The following MRAP2 variants were observed in gnomAD, a reference collection of about 807,000 sequenced individuals.
MRAP2 encodes melanocortin-2 receptor accessory protein 2.
A neutral mutation model predicts 17.4 loss-of-function variants in MRAP2; 20 were observed. The ratio of observed to expected loss-of-function variants is 1.15; its 90% CI spans 0.81 to 1.67. MRAP2 has a LOEUF of 1.67. Ranked by LOEUF, MRAP2 falls within the 40% of genes most tolerant of loss-of-function variation. MRAP2 has a pLI of 0.00. For synonymous variants in MRAP2, 96 were observed against 88.4 expected, an observed-to-expected ratio of 1.09 and a Z score of -0.48; for missense variants, 238 against 240.0, an observed-to-expected ratio of 0.99 and a Z score of 0.05.
rs183162304 is a variant in MRAP2 at position 84,059,397 on chromosome 6, T to G, written c.128-3496T>G. ...ATTCATATCACAGAATTGGCCCTAC[T>G]GCCTTAGGAACAAAAAGTGGTGTGA... On this transcript the variant is annotated intron_variant, in intron 2 of 3. Transcript: ENST00000257776. Among the ~76,000 whole-genome samples, 414 of 152,364 alleles carry G rather than the reference T, an allele frequency of 2.7e-3. 2 individuals are homozygous for G. Among genetic ancestry groups the G allele is most frequent in the Non-Finnish European group, 4.5e-3 (305 of 68,026 alleles).
the MRAP2 span, among the ~76,000 whole-genome samples, chr6:84,142,763 C>T: frequency 2.6e-5 from 4 of 152,126 alleles, no homozygotes; most frequent in African/African-American, 7.2e-5. Context: ...GGAGTTCATC[C>T]CCAAATCAAA....
the MRAP2 span, among the ~76,000 whole-genome samples, chr6:84,103,753 G>T: frequency 6.6e-6 from 1 of 150,470 alleles, no homozygotes; most frequent in African/African-American, 2.4e-5. Context: ...CTGCATAAGG[G>T]TTTTGTTATT....
At chr6:84,058,803 A>C (rs999514690) in intron 2 of MRAP2, among the ~76,000 whole-genome samples, 1 of 152,208 alleles carries the variant, frequency 6.6e-6, no homozygotes, top group Non-Finnish European at 1.5e-5. Flanking sequence ...AGGGTTGCAA[A>C]GACAGTCTGT....
the MRAP2 span, among the ~76,000 whole-genome samples, chr6:84,130,218 T>C: frequency 1.6e-4 from 24 of 152,336 alleles, no homozygotes; most frequent in African/African-American, 5.1e-4. Context: ...GACTTGATCA[T>C]GGTGGATAAG....
the MRAP2 span, among the ~76,000 whole-genome samples, chr6:84,141,188 C>G: frequency 6.6e-6 from 1 of 151,878 alleles, no homozygotes; most frequent in African/African-American, 2.4e-5. Flanking sequence ...GTTGGGGACC[C>G]CTGGTCTAGA....
chr6:84,038,407 A>G (rs1429202129), intron 1 of MRAP2, among the ~76,000 whole-genome samples: 2 of 152,190 alleles, frequency 1.3e-5, no homozygotes, highest in African/African-American at 4.8e-5. Context: ...AATAGGGCAG[A>G]TTTGTGTTAT....
intron 3 of MRAP2, among the ~76,000 whole-genome samples, chr6:84,079,399 A>C (rs1423252586): frequency 6.6e-6 from 1 of 152,220 alleles, no homozygotes; most frequent in Non-Finnish European, 1.5e-5. Context: ...AGGGGGTAGA[A>C]ATTGAATGGA....
chr6:84,146,010 A>C, the MRAP2 span, among the ~76,000 whole-genome samples: 1 of 152,114 alleles, frequency 6.6e-6, no homozygotes, highest in African/African-American at 2.4e-5. Context: ...ATCTCCTGAA[A>C]TGAGACACAA....
the MRAP2 span, among the ~76,000 whole-genome samples, chr6:84,140,851 CT>C: frequency 6.6e-6 from 1 of 152,208 alleles, no homozygotes. Flanking sequence ...ATAAAAATAG[CT>C]TACTGGTCTA....
At chr6:84,042,600 ACTATATT>A (rs2099487875) in intron 1 of MRAP2, among the ~76,000 whole-genome samples, 1 of 152,192 alleles carries the variant, frequency 6.6e-6, no homozygotes. Flanking sequence ...GCTGAGGGAC[ACTATATT>A]CTTGCCCTCA....
At chr6:84,119,147 T>A in the MRAP2 span, among the ~76,000 whole-genome samples, 1 of 152,358 alleles carries the variant, frequency 6.6e-6, no homozygotes, top group African/African-American at 2.4e-5. Context: ...TTGCTTATGA[T>A]TGTTTTAGCT....
chr6:84,088,546 T>C (rs2099501043), intron 3 of MRAP2, among the ~76,000 whole-genome samples: 1 of 152,210 alleles, frequency 6.6e-6, no homozygotes, highest in Non-Finnish European at 1.5e-5. Flanking sequence ...CTGACTGTAT[T>C]GGTTACTTTT....
At chr6:84,101,539 G>T in the MRAP2 span, among the ~76,000 whole-genome samples, 1 of 152,206 alleles carries the variant, frequency 6.6e-6, no homozygotes, top group African/African-American at 2.4e-5. Flanking sequence ...GGACAGTTAT[G>T]AATTTGGCTT....
chr6:84,088,037 C>T (rs1470293452), intron 3 of MRAP2, among the ~76,000 whole-genome samples: 1 of 151,992 alleles, frequency 6.6e-6, no homozygotes, highest in Admixed American at 6.5e-5. Context: ...CAAATTCTTA[C>T]AGAATTTGGT....
chr6:84,113,428 A>T, the MRAP2 span, among the ~76,000 whole-genome samples: 20 of 152,004 alleles, frequency 1.3e-4, no homozygotes, highest in Non-Finnish European at 2.4e-4. Flanking sequence ...TTTGCTTTCC[A>T]TTTGCCTTGT....
At chr6:84,126,874 C>T in the MRAP2 span, among the ~76,000 whole-genome samples, 1 of 152,124 alleles carries the variant, frequency 6.6e-6, no homozygotes, top group Admixed American at 6.5e-5. Flanking sequence ...TTAAAGCACT[C>T]AACATAGTAC....
intron 3 of MRAP2, among the ~76,000 whole-genome samples, chr6:84,073,252 G>C (rs1460141497): frequency 6.6e-6 from 1 of 152,098 alleles, no homozygotes; most frequent in East Asian, 1.9e-4. Context: ...GAGCGCCCAG[G>C]GCCTTTCTTC....
At chr6:84,126,456 C>A in the MRAP2 span, 1 of 1,584,782 alleles carries the variant, frequency 6.3e-7, no homozygotes, top group Non-Finnish European at 8.6e-7. Context: ...CGAAATGTTT[C>A]ATCTCTGGTG....
At chr6:84,046,290 C>G (rs1052309461) in intron 1 of MRAP2, among the ~76,000 whole-genome samples, 5 of 152,048 alleles carry the variant, frequency 3.3e-5, no homozygotes, top group African/African-American at 1.2e-4. Flanking sequence ...ACTGGCTGGT[C>G]TCTAGAAAAC....
Sources: gnomAD v4.1 joint callset for allele counts (sites outside exome capture counted in the v4.1 genomes callset) on GRCh38, gnomAD v4.1.1 for gene constraint, MANE v1.5 for transcripts, NCBI Gene and HGNC (gene_info 2026-07-23, HGNC 2026-07-21) for gene names.